SLC24A3: variants seen among roughly 807,000 people sequenced by gnomAD.
SLC24A3 encodes sodium/potassium/calcium exchanger 3.
Under a neutral mutation model 75.8 loss-of-function variants are expected in SLC24A3, and 28 were observed. That is an observed-to-expected ratio of 0.37 (90% CI 0.27 to 0.51). SLC24A3 has a LOEUF of 0.51. Among genes scored for constraint, SLC24A3 ranks in the 20% least tolerant of loss-of-function variants. The pLI, the probability that SLC24A3 is intolerant of heterozygous loss-of-function variation, is 0.94. For missense variants in SLC24A3, 663 were observed against 847.8 expected (o/e 0.78, Z 2.71); for synonymous variants, 372 against 334.1 (o/e 1.11, Z -1.24).
intron 7 of SLC24A3, among the ~76,000 whole-genome samples, chr20:19,664,093 C>T (rs1224402423): frequency 6.6e-6 from 1 of 152,170 alleles, no homozygotes. Flanking sequence ...TTCTCAATAT[C>T]TTCTGTTCTC....
At chr20:19,456,946 G>A (rs983493139) in intron 2 of SLC24A3, among the ~76,000 whole-genome samples, 5 of 152,368 alleles carry the variant, frequency 3.3e-5, no homozygotes, top group African/African-American at 9.6e-5. Context: ...CAGAATCTCT[G>A]TTAATGACTT....
At chr20:19,634,962 G>A (rs1040069518) in intron 6 of SLC24A3, among the ~76,000 whole-genome samples, 11 of 152,290 alleles carry the variant, frequency 7.2e-5, no homozygotes, top group Non-Finnish European at 1.3e-4. Flanking sequence ...TTCACAGTGC[G>A]TATGTTTAGG....
chr20:19,438,200 G>A (rs1267821060), intron 2 of SLC24A3, among the ~76,000 whole-genome samples: 1 of 152,192 alleles, frequency 6.6e-6, no homozygotes, highest in African/African-American at 2.4e-5. Context: ...GCTGTGAAAG[G>A]AAAATGCTGG....
intron 1 of SLC24A3, among the ~76,000 whole-genome samples, chr20:19,234,049 G>A (rs949989437): frequency 2.6e-5 from 4 of 152,092 alleles, no homozygotes; most frequent in South Asian, 2.1e-4. Flanking sequence ...ATCATTATTC[G>A]TTCTTATTTC....
At chr20:19,347,033 G>A (rs1985445296) in intron 2 of SLC24A3, among the ~76,000 whole-genome samples, 1 of 152,128 alleles carries the variant, frequency 6.6e-6, no homozygotes, top group Non-Finnish European at 1.5e-5. Flanking sequence ...GTTATTCAGT[G>A]ATATGAAGAA....
At chr20:19,424,603 G>T (rs183907886) in intron 2 of SLC24A3, among the ~76,000 whole-genome samples, 2 of 151,786 alleles carry the variant, frequency 1.3e-5, no homozygotes, top group African/African-American at 4.8e-5. Context: ...AGGCAGAATC[G>T]CTTGAGCCTG....
At chr20:19,599,367 A>G (rs924904972) in intron 6 of SLC24A3, among the ~76,000 whole-genome samples, 35 of 150,906 alleles carry the variant, frequency 2.3e-4, no homozygotes, top group African/African-American at 8.3e-4. Flanking sequence ...GACTGCGTGT[A>G]TGATGTGGTC....
At chr20:19,696,604 C>T in intron 13 of SLC24A3, 193 bp from the exon 14 acceptor site, 2 of 484,442 alleles carry the variant, frequency 4.1e-6, no homozygotes, top group Non-Finnish European at 3.7e-6. Flanking sequence ...TATTACAGCA[C>T]CGTCCCCTGA....
chr20:19,682,828 C>A (rs746902218), intron 10 of SLC24A3, among the ~76,000 whole-genome samples: 3 of 152,152 alleles, frequency 2.0e-5, no homozygotes, highest in East Asian at 3.9e-4. Flanking sequence ...CAAAGTAATT[C>A]TTGTATTCAG....
chr20:19,363,302 A>T (rs1985826231), intron 2 of SLC24A3, among the ~76,000 whole-genome samples: 1 of 152,240 alleles, frequency 6.6e-6, no homozygotes, highest in Non-Finnish European at 1.5e-5. Flanking sequence ...ACACACCACA[A>T]GGAAGAATAG....
At chr20:19,584,080 A>T (rs1267947497) in intron 4 of SLC24A3, among the ~76,000 whole-genome samples, 3 of 152,254 alleles carry the variant, frequency 2.0e-5, no homozygotes, top group Non-Finnish European at 4.4e-5. Context: ...GGAACTGGCT[A>T]TTCACTGGCA....
At chr20:19,659,296 C>T (rs1053687122) in intron 7 of SLC24A3, among the ~76,000 whole-genome samples, 1 of 152,238 alleles carries the variant, frequency 6.6e-6, no homozygotes, top group Non-Finnish European at 1.5e-5. Context: ...TTCCCTGGGA[C>T]ATTCATTGTC....
intron 8 of SLC24A3, among the ~76,000 whole-genome samples, chr20:19,668,650 A>G (rs2032428454): frequency 6.6e-6 from 1 of 152,246 alleles, no homozygotes; most frequent in Non-Finnish European, 1.5e-5. Flanking sequence ...CATGCAGTTC[A>G]GATTCTTTCA....
chr20:19,633,796 G>T (rs982188294), intron 6 of SLC24A3, among the ~76,000 whole-genome samples: 4 of 151,954 alleles, frequency 2.6e-5, no homozygotes, highest in South Asian at 2.1e-4. Flanking sequence ...CACAACTTAT[G>T]AATTGGGCTG....
intron 2 of SLC24A3, among the ~76,000 whole-genome samples, chr20:19,434,818 T>C (rs181518897): frequency 2.0e-5 from 3 of 150,360 alleles, no homozygotes; most frequent in Non-Finnish European, 3.0e-5. Context: ...ATGTGCAGGG[T>C]AAGGGGAATG....
chr20:19,698,826 G>A (rs1025709152), intron 15 of SLC24A3, 146 bp downstream of exon 15: 6 of 677,244 alleles, frequency 8.9e-6, no homozygotes, highest in Admixed American at 2.6e-5. Context: ...CTTGTCAAAG[G>A]CCTTACTAGT....
chr20:19,489,739 G>A (rs1988179562), intron 2 of SLC24A3, among the ~76,000 whole-genome samples: 1 of 150,876 alleles, frequency 6.6e-6, no homozygotes, highest in Non-Finnish European at 1.5e-5. Flanking sequence ...AATTGTCTTT[G>A]GAACATCAAA....
At chr20:19,703,035 C>A (rs1390704500) in intron 15 of SLC24A3, among the ~76,000 whole-genome samples, 2 of 152,152 alleles carry the variant, frequency 1.3e-5, no homozygotes, top group Non-Finnish European at 2.9e-5. Context: ...GAACAAGAAA[C>A]AGGGAAGGAT....
chr20:19,658,955 A>C, intron 7 of SLC24A3, among the ~76,000 whole-genome samples: 1 of 152,198 alleles, frequency 6.6e-6, no homozygotes, highest in Admixed American at 6.5e-5. Context: ...TGTTACTGTA[A>C]TTTACATAAT....
Sources: allele counts gnomAD v4.1 joint callset (sites outside exome capture counted in the v4.1 genomes callset), GRCh38; gene constraint gnomAD v4.1.1; transcripts MANE v1.5; gene names NCBI Gene and HGNC (gene_info 2026-07-23, HGNC 2026-07-21).